The following NBPF12 variants were observed in gnomAD, a reference collection of about 807,000 sequenced individuals.
NBPF12 encodes NBPF member 12.
In NBPF12, 115 loss-of-function variants were observed where a neutral mutation model predicts 146.4. The observed-to-expected ratio is 0.79, with a 90% CI of 0.68 to 0.92. The LOEUF is 0.92. NBPF12 is among the 40% of genes least tolerant of loss of function. The pLI is 0.00. For missense variants in NBPF12, 1,205 were observed against 1,326.8 expected (o/e 0.91, Z 1.43); for synonymous variants, 385 against 508.9 (o/e 0.76, Z 3.28).
intron 18 of NBPF12, among the ~76,000 whole-genome samples, chr1:146,978,133 C>A (rs1367873595): frequency 6.6e-6 from 1 of 151,764 alleles, no homozygotes; most frequent in Non-Finnish European, 1.5e-5. Flanking sequence ...TGCACAGTCA[C>A]CCTGAAATCA....
intron 9 of NBPF12, among the ~76,000 whole-genome samples, chr1:146,967,017 CTGT>C (rs1417695116): frequency 9.9e-5 from 15 of 151,324 alleles, no homozygotes; most frequent in Non-Finnish European, 1.6e-4. Flanking sequence ...AACATCTAGT[CTGT>C]TGTTCTAAAT....
rs1308634607 is a variant in NBPF12, at chr1:146,984,797, T to A, written c.2667-16T>A. 7.2e-7 allele frequency: 1 copy of A among 1,391,104 alleles called. No individual in the cohort carries two copies. Among genetic ancestry groups the A allele is most frequent in the Non-Finnish European group, 1.0e-6 (1 of 976,530 alleles). 86.2% of individuals were successfully genotyped at this position (1,391,104 alleles called of 1,614,324 possible). ...ATTCCCCCTGGCTTATTCTTTACTT[T>A]TTCCCACTTTTCCAGGCTCAGCAGG... On this transcript the variant is annotated splice_polypyrimidine_tract_variant and intron_variant, in intron 21 of 33. Coordinates refer to ENST00000617844, the Ensembl canonical transcript of NBPF12.
intron 5 of NBPF12, 114 bp downstream of exon 8, chr1:146,962,377 C>G: frequency 1.2e-6 from 1 of 831,134 alleles, no homozygotes; most frequent in Non-Finnish European, 2.1e-6. Flanking sequence ...GCAGAAATTG[C>G]CATGGCAGGC....
chr1:146,966,672 C>T (rs1369554130), exon 9 of NBPF12: 21 of 1,332,304 alleles, frequency 1.6e-5, no homozygotes, highest in Non-Finnish European at 2.2e-5. Flanking sequence ...AGAACAAATA[C>T]AGTAAGATCT....
chr1:146,970,848 C>T (rs1656560203), intron 12 of NBPF12, 129 bp downstream of exon 15: 8 of 1,033,586 alleles, frequency 7.7e-6, no homozygotes, highest in Admixed American at 5.1e-5. Flanking sequence ...TGAAATTCAA[C>T]CCAGCTTAGA....
At chr1:146,962,331 G>A (rs1165672906) in intron 5 of NBPF12, 68 bp downstream of exon 8, 30 of 1,321,712 alleles carry the variant, frequency 2.3e-5, no homozygotes, top group African/African-American at 2.1e-4. Context: ...GCAGCTCGGC[G>A]GGGAGAAGTA....
rs1656455269 is a variant in NBPF12 at position 146,969,729 on chromosome 1, G to A, written c.1306+133G>A. ...CACATGTGTGGCCATGACATGACCAGGACTTCCTGGGTAAGAACGGAGATG... is the reference window on the plus strand; with the variant it reads ...CACATGTGTGGCCATGACATGACCAAGACTTCCTGGGTAAGAACGGAGATG... On this transcript the variant is annotated intron_variant, in intron 11 of 33. Transcript: ENST00000617844. 6 of 1,522,474 alleles carry A rather than the reference G, an allele frequency of 3.9e-6. No homozygotes were observed. The Admixed American group carries it at 1.1e-4, about 27-fold the overall frequency. 94.3% of individuals were successfully genotyped at this position (1,522,474 alleles called of 1,614,324 possible).
chr1:146,975,416 G>A lies in NBPF12; in HGVS notation c.1905-261G>A, dbSNP rs1205620789. 0.02 allele frequency among the ~76,000 whole-genome samples: 3,028 copies of A among 149,780 alleles called. 244 individuals carry two copies. In the East Asian group the frequency reaches 0.22, roughly 11 times the overall value. ...AGGATGTCTTTTTGAAACGGAATTAGGAAGACACCTACTTTTGTTTACAGA... is the reference window on the plus strand; with the variant it reads ...AGGATGTCTTTTTGAAACGGAATTAAGAAGACACCTACTTTTGTTTACAGA... On this transcript the variant is annotated intron_variant, in intron 15 of 33. Transcript: ENST00000617844.
Position 146,953,582 on chromosome 1 carries a change from C to T in NBPF12, c.-184+2093C>T, listed in dbSNP as rs1442399992. Among the ~76,000 whole-genome samples, 23 of 146,454 alleles carry T rather than the reference C, an allele frequency of 1.6e-4. 1 individual carries two copies. The South Asian group carries it at 5.0e-3, about 32-fold the overall frequency. On this transcript the variant is annotated intron_variant, in intron 2 of 33. Coordinates refer to ENST00000617844, the Ensembl canonical transcript of NBPF12. Reference sequence around the variant, plus strand: ...GAGAAAAACCGTATGATTACCTTGTCATACACAGTAAAAGCATTTGGCAAA... The same window carrying T: ...GAGAAAAACCGTATGATTACCTTGTTATACACAGTAAAAGCATTTGGCAAA...
chr1:146,974,856 T>A lies in NBPF12; in HGVS notation c.1904+15T>A. 2.3e-6 allele frequency: 3 copies of A among 1,297,932 alleles called. 1 individual carries two copies. Among genetic ancestry groups the A allele is most frequent in the Non-Finnish European group, 3.1e-6 (3 of 956,464 alleles). The allele number at this position is 1,297,932 out of a possible 1,614,324, so 80.4% of individuals were successfully genotyped here. ...GAGGAGCTCAGGTGAGGGGACCCCA[T>A]GGGGGCAGACAGGGGGGCAGGTGTG... On this transcript the variant is annotated intron_variant, in intron 15 of 33. Transcript: ENST00000617844.
At chr1:146,970,581 G>A (rs1553886242) in intron 11 of NBPF12, 66 bp from the exon 15 acceptor site, 40 of 1,557,316 alleles carry the variant, frequency 2.6e-5, no homozygotes, top group Admixed American at 1.5e-4. Context: ...CTCTGTGCAC[G>A]TTGGGCTGAC....
At position 146,969,590 on chromosome 1, in the gene NBPF12, A is replaced by G. The variant is rs1189993486; in HGVS notation, c.1300A>G (p.Ser434Gly). The G allele has an allele frequency of 3.1e-6, 5 of 1,610,168 alleles. No homozygotes were observed. The South Asian group carries it at 4.4e-5, about 14-fold the overall frequency. Residue 434 changes from serine to glycine, a missense_variant, in exon 11 of 34, where the codon AGC (serine) becomes GGC (glycine). Around this residue, in one of 16 missense-constraint regions of NBPF12, gnomAD observed 278 missense variants for 203.1 expected, o/e 1.37. Transcript: ENST00000617844. Reference sequence around the variant, plus strand: ...GGCACAGCACCTTGTCCAAAAGCTCAGCCCAGGTAAGGTGGCCACAGGCCC... The same window carrying G: ...GGCACAGCACCTTGTCCAAAAGCTCGGCCCAGGTAAGGTGGCCACAGGCCC...
chr1:146,994,685 C>T (rs1658432959), exon 34 of NBPF12: 16 of 1,529,042 alleles, frequency 1.0e-5, no homozygotes, highest in Admixed American at 1.9e-5. Flanking sequence ...TAGGATGGGT[C>T]AGTGGGCATG....
chr1:146,994,432 T>G, exon 34 of NBPF12: 3 of 1,612,222 alleles, frequency 1.9e-6, no homozygotes, highest in Non-Finnish European at 2.5e-6. Flanking sequence ...ACTACCTGAC[T>G]CATTCCAGCA....
At chr1:146,939,401 G>A (rs1276346270) in intron 1 of NBPF12, among the ~76,000 whole-genome samples, 1 of 152,016 alleles carries the variant, frequency 6.6e-6, no homozygotes, top group Non-Finnish European at 1.5e-5. Flanking sequence ...TGGCCTCCGG[G>A]ATTCTGCTCC....
chr1:146,980,733 G>C (rs1413321877), intron 19 of NBPF12, among the ~76,000 whole-genome samples: 1 of 149,276 alleles, frequency 6.7e-6, no homozygotes, highest in Non-Finnish European at 1.5e-5. Context: ...AATTCCTCAG[G>C]GATCTAGAAC....
chr1:146,977,905 G>A (rs1192169173), intron 18 of NBPF12, among the ~76,000 whole-genome samples: 2 of 152,046 alleles, frequency 1.3e-5, no homozygotes, highest in African/African-American at 4.8e-5. Context: ...TCACCTCAGT[G>A]CAGGAGGTGC....
intron 10 of NBPF12, among the ~76,000 whole-genome samples, chr1:146,969,137 T>A (rs1656409891): frequency 6.6e-6 from 1 of 151,354 alleles, no homozygotes; most frequent in South Asian, 2.1e-4. Context: ...CACCTACTTT[T>A]GTTTACAGAA....
At chr1:146,967,262 G>T (rs1430220376) in intron 9 of NBPF12, among the ~76,000 whole-genome samples, 60 of 150,794 alleles carry the variant, frequency 4.0e-4, no homozygotes, top group Admixed American at 1.2e-3. Flanking sequence ...CAGCCCTTTG[G>T]GAGGCTGAGG....
Sources: gnomAD v4.1 joint callset for allele counts (sites outside exome capture counted in the v4.1 genomes callset) on GRCh38, gnomAD v4.1.1 for gene constraint, gnomAD v4.1.1 regional missense constraint, MANE v1.5 for transcripts, NCBI Gene and HGNC (gene_info 2026-07-23, HGNC 2026-07-21) for gene names.